The following STARD13 variants were observed in gnomAD, a reference collection of about 807,000 sequenced individuals.
STARD13 encodes the protein StAR related lipid transfer domain containing 13.
Under a neutral mutation model 106.4 loss-of-function variants are expected in STARD13, and 62 were observed. The observed-to-expected ratio is 0.58, with a 90% CI of 0.48 to 0.72. The LOEUF is 0.72. Ranked by LOEUF, STARD13 falls within the 30% of genes least tolerant of loss-of-function variation. The probability of loss-of-function intolerance (pLI) is 0.00; values close to 1 mark genes in which losing one functional copy is unlikely to be tolerated. For missense variants in STARD13, 1,387 were observed against 1,424.0 expected (o/e 0.97, Z 0.42); for synonymous variants, 565 against 553.0 (o/e 1.02, Z -0.31).
At chr13:33,405,896 A>G in the STARD13 span, among the ~76,000 whole-genome samples, 1 of 152,248 alleles carries the variant, frequency 6.6e-6, no homozygotes, top group Admixed American at 6.5e-5. Context: ...AACAGTAATA[A>G]TAATAGCTAA....
the STARD13 span, among the ~76,000 whole-genome samples, chr13:33,666,919 A>G: frequency 6.6e-6 from 1 of 152,358 alleles, no homozygotes; most frequent in East Asian, 1.9e-4. Context: ...ACATATATTT[A>G]AAAAGTGGAT....
chr13:33,241,918 G>C (rs908239210), intron 1 of STARD13, among the ~76,000 whole-genome samples: 8 of 152,152 alleles, frequency 5.3e-5, no homozygotes, highest in African/African-American at 1.7e-4. Context: ...CGCCTGCCTT[G>C]GCCTCCCAAA....
At chr13:33,330,185 G>A (rs1056089958) in intron 1 of STARD13, among the ~76,000 whole-genome samples, 5 of 152,132 alleles carry the variant, frequency 3.3e-5, no homozygotes. Flanking sequence ...TTCCATAATG[G>A]TTGTATAAAG....
chr13:33,164,658 C>T (rs1479476895), intron 3 of STARD13, among the ~76,000 whole-genome samples: 1 of 152,082 alleles, frequency 6.6e-6, no homozygotes, highest in East Asian at 1.9e-4. Flanking sequence ...TTATTATTAC[C>T]CAAATTATAA....
intron 4 of STARD13, among the ~76,000 whole-genome samples, chr13:33,133,029 GA>G (rs1878535672): frequency 6.6e-6 from 1 of 151,814 alleles, no homozygotes; most frequent in Non-Finnish European, 1.5e-5. Flanking sequence ...TAAGGACTAT[GA>G]AAAAGCCCTT....
the STARD13 span, among the ~76,000 whole-genome samples, chr13:33,506,995 G>A: frequency 1.3e-5 from 2 of 152,150 alleles, no homozygotes; most frequent in African/African-American, 4.8e-5. Flanking sequence ...CAGCTACTTA[G>A]GAGGCTCAGG....
chr13:33,208,078 T>G (rs963856160), intron 1 of STARD13, among the ~76,000 whole-genome samples: 2 of 146,614 alleles, frequency 1.4e-5, no homozygotes, highest in African/African-American at 5.2e-5. Context: ...TCTTATCTAA[T>G]AAATCCTTTT....
the STARD13 span, among the ~76,000 whole-genome samples, chr13:33,672,582 C>T: frequency 6.6e-6 from 1 of 152,122 alleles, no homozygotes; most frequent in Admixed American, 6.5e-5. Flanking sequence ...CTAAGCAATT[C>T]CTTAGTTGTT....
At chr13:33,245,358 C>T (rs889212284) in intron 1 of STARD13, among the ~76,000 whole-genome samples, 2 of 152,170 alleles carry the variant, frequency 1.3e-5, no homozygotes, top group East Asian at 1.9e-4. Flanking sequence ...CTTACATTCT[C>T]GCAGGAATGT....
chr13:33,395,524 G>A, the STARD13 span, among the ~76,000 whole-genome samples: 1 of 152,098 alleles, frequency 6.6e-6, no homozygotes, highest in Non-Finnish European at 1.5e-5. Context: ...GATGAGAAGA[G>A]GTGGGAAATG....
At chr13:33,445,701 C>T in the STARD13 span, among the ~76,000 whole-genome samples, 1 of 152,228 alleles carries the variant, frequency 6.6e-6, no homozygotes, top group South Asian at 2.1e-4. Flanking sequence ...GCTATTTCCA[C>T]TCCTGGCTGA....
the STARD13 span, among the ~76,000 whole-genome samples, chr13:33,601,220 T>A: frequency 6.6e-6 from 1 of 151,974 alleles, no homozygotes; most frequent in African/African-American, 2.4e-5. Context: ...TTTTGTTTTT[T>A]TTTTTTTCTG....
chr13:33,603,515 G>A, the STARD13 span, among the ~76,000 whole-genome samples: 1 of 152,154 alleles, frequency 6.6e-6, no homozygotes, highest in Non-Finnish European at 1.5e-5. Context: ...GTGAAGACAA[G>A]GAGATTGCTC....
At chr13:33,621,186 T>A in the STARD13 span, among the ~76,000 whole-genome samples, 1 of 151,988 alleles carries the variant, frequency 6.6e-6, no homozygotes. Context: ...AAACAGTTTT[T>A]TGAAAATAAT....
In STARD13 at chr13:33,144,611, A is replaced by G. The variant is rs116380466; in HGVS notation, c.324-2238T>C. The stretch of plus-strand genomic sequence containing the variant: ...TTCATTAGTGTCAGATATAGCAGGC[A>G]ATGCTGAGTTGGAAGCTGATCATCT... On this transcript the variant is annotated intron_variant, in intron 3 of 13. Transcript: ENST00000336934. 3.4e-3 allele frequency among the ~76,000 whole-genome samples: 517 copies of G among 152,348 alleles called. 4 individuals carry two copies. The highest frequency in any genetic ancestry group is 0.012 in the African/African-American group (491 of 41,586).
chr13:33,632,552 C>T, the STARD13 span, among the ~76,000 whole-genome samples: 1 of 152,122 alleles, frequency 6.6e-6, no homozygotes, highest in South Asian at 2.1e-4. Context: ...CCCTTAAGTT[C>T]AGAAAATGGG....
chr13:33,570,657 G>A, the STARD13 span, among the ~76,000 whole-genome samples: 1 of 120,870 alleles, frequency 8.3e-6, no homozygotes, highest in African/African-American at 2.9e-5. Context: ...TTTCTTCTTT[G>A]TTAGTCCACA....
chr13:33,472,869 T>C, the STARD13 span, among the ~76,000 whole-genome samples: 1 of 152,018 alleles, frequency 6.6e-6, no homozygotes, highest in African/African-American at 2.4e-5. Flanking sequence ...AATGTCTAGA[T>C]TTTAGAATAT....
intron 1 of STARD13, among the ~76,000 whole-genome samples, chr13:33,300,105 T>C (rs950914394): frequency 6.6e-6 from 1 of 152,202 alleles, no homozygotes. Flanking sequence ...TCAGGCTCTG[T>C]TATTTATTTA....
Sources: allele counts gnomAD v4.1 joint callset (sites outside exome capture counted in the v4.1 genomes callset), GRCh38; gene constraint gnomAD v4.1.1; transcripts MANE v1.5; gene names NCBI Gene and HGNC (gene_info 2026-07-23, HGNC 2026-07-21).